RABEP1: variants seen among roughly 807,000 people sequenced by gnomAD.
RABEP1 encodes rabaptin, RAB GTPase binding effector protein 1.
A neutral mutation model predicts 123.4 loss-of-function variants in RABEP1; 51 were observed. The ratio of observed to expected loss-of-function variants is 0.41; its 90% CI spans 0.33 to 0.52. The LOEUF is 0.52. Ranked by LOEUF, RABEP1 falls within the 20% of genes least tolerant of loss-of-function variation. The pLI, the probability that RABEP1 is intolerant of heterozygous loss-of-function variation, is 0.16. For synonymous variants in RABEP1, 347 were observed against 355.2 expected (o/e 0.98, Z 0.26); for missense variants, 888 against 996.3 (o/e 0.89, Z 1.46).
At position 5,299,961 on chromosome 17, in the gene RABEP1, C is replaced by G. The variant is rs143182151; in HGVS notation, c.35-8733C>G. Among the ~76,000 whole-genome samples, 96 of 151,878 alleles carry G rather than the reference C, an allele frequency of 6.3e-4. 1 individual carries two copies. The highest frequency in any genetic ancestry group is 2.3e-3 in the African/African-American group (94 of 41,452). On this transcript the variant is annotated intron_variant, in intron 1 of 17. Coordinates refer to ENST00000537505, the MANE Select transcript of RABEP1 (RefSeq NM_004703.6). ...GCCAGGATGCTCTTGATCTCTTGACCTCATGATCTGCCCACCTCGGCCTCC... is the reference window on the plus strand; with the variant it reads ...GCCAGGATGCTCTTGATCTCTTGACGTCATGATCTGCCCACCTCGGCCTCC...
intron 11 of RABEP1, 23 bp from the exon 12 acceptor site, chr17:5,368,347 T>G: frequency 6.7e-7 from 1 of 1,492,950 alleles, no homozygotes; most frequent in Non-Finnish European, 9.3e-7. Flanking sequence ...TAACTATGTT[T>G]CTATACATGT....
rs1194885929 is a variant in RABEP1 at position 5,332,133 on chromosome 17, A to G, written c.348A>G (p.Ser116=). ...VKRQWREEVA[S]LQAVMKETVR... ...GACAGTGGAGAGAAGAAGTTGCTTC[A>G]CTTCAGGCTGTTATGAAAGGTAAAG... Residue 116 remains serine (S), a synonymous_variant, in exon 3 of 18, where the codon TCA becomes TCG. Transcript: ENST00000537505. 6.2e-7 allele frequency: 1 copy of G among 1,614,050 alleles called. No individual in the cohort carries two copies. The highest frequency in any genetic ancestry group is 1.1e-5 in the South Asian group (1 of 91,084).
intron 1 of RABEP1, among the ~76,000 whole-genome samples, chr17:5,308,478 G>A (rs553511423): frequency 2.2e-4 from 33 of 152,204 alleles, no homozygotes; most frequent in African/African-American, 7.2e-4. Flanking sequence ...CGCCCGCCTC[G>A]GCCTCCCAAA....
intron 7 of RABEP1, among the ~76,000 whole-genome samples, chr17:5,352,831 AAAAAAC>A (rs1004138660): frequency 4.7e-4 from 72 of 152,252 alleles, no homozygotes; most frequent in East Asian, 3.7e-3. Context: ...ACTCCCTCTC[AAAAAAC>A]AAAAACAAAA....
chr17:5,379,155 A>T (rs930016831), intron 15 of RABEP1, among the ~76,000 whole-genome samples: 1 of 151,238 alleles, frequency 6.6e-6, no homozygotes, highest in East Asian at 1.9e-4. Context: ...CAGCCCCCTC[A>T]CTCTCAGCAG....
At chr17:5,308,592 C>T (rs908537372) in intron 1 of RABEP1, 102 bp from the exon 2 acceptor site, 43 of 1,101,956 alleles carry the variant, frequency 3.9e-5, no homozygotes, top group Non-Finnish European at 5.0e-5. Flanking sequence ...AGCTTGACTA[C>T]TTGTTTCACG....
chr17:5,319,015 T>C (rs1201515768), intron 2 of RABEP1, among the ~76,000 whole-genome samples: 1 of 152,136 alleles, frequency 6.6e-6, no homozygotes, highest in Non-Finnish European at 1.5e-5. Context: ...ACCCAATACA[T>C]ATATACAATT....
At chr17:5,368,148 T>C (rs1910235378) in intron 11 of RABEP1, among the ~76,000 whole-genome samples, 2 of 152,180 alleles carry the variant, frequency 1.3e-5, no homozygotes, top group Non-Finnish European at 2.9e-5. Flanking sequence ...TCTTTGTTAA[T>C]GTATGGCTGC....
chr17:5,296,156 G>C (rs575895635), intron 1 of RABEP1, among the ~76,000 whole-genome samples: 2 of 152,154 alleles, frequency 1.3e-5, no homozygotes, highest in South Asian at 4.1e-4. Context: ...TGTTATTGTA[G>C]TATGTAGCTA....
At chr17:5,322,992 C>T (rs1458856870) in intron 2 of RABEP1, among the ~76,000 whole-genome samples, 1 of 152,088 alleles carries the variant, frequency 6.6e-6, no homozygotes, top group Admixed American at 6.6e-5. Context: ...ATGAGAATTG[C>T]TTGAACCTGG....
rs921117954 is a variant in RABEP1 at position 5,368,460 on chromosome 17, G to A, written c.1876G>A (p.Glu626Lys). Residue 626 changes from glutamate (E) to lysine (K), a missense_variant, in exon 12 of 18, where the codon GAA becomes AAA. Physicochemically the swap from Glu to Lys is moderately conservative, Grantham distance 56. Coordinates refer to ENST00000537505, the MANE Select transcript of RABEP1 (RefSeq NM_004703.6). The part of the protein sequence containing the change: ...GLSQAKRDVQ[E>K]QMAVLMQSRE... Reference sequence around the variant, plus strand: ...TTCCCAGGCAAAGAGGGATGTTCAGGAACAGATGGTAAGTTTACATTTTAA... The same window carrying A: ...TTCCCAGGCAAAGAGGGATGTTCAGAAACAGATGGTAAGTTTACATTTTAA... 5 of 1,610,470 alleles carry A rather than the reference G, an allele frequency of 3.1e-6. No homozygotes were observed. The highest frequency in any genetic ancestry group is 2.7e-5 in the African/African-American group (2 of 74,644).
In RABEP1 at chr17:5,386,100, GTCA is replaced by G; in HGVS notation, c.*2881_*2883del. On this transcript the variant is annotated 3_prime_UTR_variant, in exon 18 of 18. Coordinates refer to ENST00000537505, the MANE Select transcript of RABEP1 (RefSeq NM_004703.6). Reference sequence around the variant, plus strand: ...TTTAAAAAGATGAACCACACCAAAGGTCATCAAAACACCTTTTTATAAATTAGA... The same window carrying G: ...TTTAAAAAGATGAACCACACCAAAGGTCAAAACACCTTTTTATAAATTAGA... 2.6e-6 allele frequency: 2 copies of G among 760,418 alleles called. No homozygotes were observed. The highest frequency in any genetic ancestry group is 4.3e-6 in the Non-Finnish European group (2 of 462,504). 47.1% of individuals were successfully genotyped at this position (760,418 alleles called of 1,614,324 possible).
intron 2 of RABEP1, among the ~76,000 whole-genome samples, chr17:5,329,276 A>G (rs1219510652): frequency 1.3e-5 from 2 of 152,190 alleles, no homozygotes; most frequent in Non-Finnish European, 2.9e-5. Context: ...CACGCCTGTA[A>G]TCCTAGCACT....
chr17:5,312,234 C>A (rs924500543), intron 2 of RABEP1, among the ~76,000 whole-genome samples: 4 of 152,228 alleles, frequency 2.6e-5, no homozygotes, highest in African/African-American at 7.2e-5. Flanking sequence ...ACTGCAACCT[C>A]TGCCCCACGG....
At chr17:5,367,326 C>T (rs866572314) in intron 11 of RABEP1, among the ~76,000 whole-genome samples, 3 of 151,692 alleles carry the variant, frequency 2.0e-5, no homozygotes, top group Admixed American at 6.6e-5. Flanking sequence ...GGCTAGAGTG[C>T]AGTGGCACGA....
intron 13 of RABEP1, among the ~76,000 whole-genome samples, chr17:5,376,141 T>C (rs1597298046): frequency 6.6e-6 from 1 of 152,134 alleles, no homozygotes. Flanking sequence ...CGCGCCTGCC[T>C]AGTCCTAGAT....
chr17:5,371,109 TG>T (rs1567550505), intron 12 of RABEP1: 1 of 152,168 alleles, frequency 6.6e-6, no homozygotes, highest in African/African-American at 2.4e-5. Context: ...TGGGACTACA[TG>T]CGCCCGCCAC....
chr17:5,304,685 A>G (rs1371323959), intron 1 of RABEP1, among the ~76,000 whole-genome samples: 1 of 152,192 alleles, frequency 6.6e-6, no homozygotes, highest in African/African-American at 2.4e-5. Flanking sequence ...CTGTTGACAA[A>G]GGCTGGCATA....
intron 8 of RABEP1, among the ~76,000 whole-genome samples, chr17:5,357,925 G>C (rs11867190): frequency 1.3e-4 from 20 of 151,962 alleles, no homozygotes; most frequent in African/African-American, 1.9e-4. Flanking sequence ...AGGACTGGCT[G>C]GTAATTAATT....
Sources: gnomAD v4.1 joint callset for allele counts (sites outside exome capture counted in the v4.1 genomes callset) on GRCh38, gnomAD v4.1.1 for gene constraint, MANE v1.5 for transcripts, NCBI Gene and HGNC (gene_info 2026-07-23, HGNC 2026-07-21) for gene names.